SCARA3: variants seen among roughly 807,000 people sequenced by gnomAD.
SCARA3 encodes the protein scavenger receptor class A member 3.
A neutral mutation model predicts 47.0 loss-of-function variants in SCARA3; 39 were observed. That is an observed-to-expected ratio of 0.83 (90% CI 0.64 to 1.08). The LOEUF (loss-of-function observed/expected upper bound fraction) is 1.08. Among genes scored for constraint, SCARA3 ranks in the 50% least tolerant of loss-of-function variants. The pLI is 0.00. For synonymous variants in SCARA3, 356 were observed against 334.1 expected (o/e 1.07, Z -0.71); for missense variants, 724 against 792.3 (o/e 0.91, Z 1.04).
At chr8:27,709,856 A>G in the SCARA3 span, among the ~76,000 whole-genome samples, 1 of 152,154 alleles carries the variant, frequency 6.6e-6, no homozygotes, top group Non-Finnish European at 1.5e-5. Context: ...CCCTCCCTGC[A>G]GGTGGTTGAA....
At chr8:27,695,796 A>G in the SCARA3 span, among the ~76,000 whole-genome samples, 3 of 152,148 alleles carry the variant, frequency 2.0e-5, no homozygotes, top group Non-Finnish European at 4.4e-5. Flanking sequence ...AAAGTCATAA[A>G]CTTAAAGACA....
chr8:27,652,946 A>G (rs561690), intron 3 of SCARA3, among the ~76,000 whole-genome samples: 46,027 of 152,030 alleles, frequency 0.3, 7,691 homozygotes, highest in South Asian at 0.47. Context: ...TAGATTTAAG[A>G]ACCAAGGATT....
At chr8:27,679,227 A>T (rs1802323190), downstream of SCARA3, among the ~76,000 whole-genome samples, 1 of 152,084 alleles carries the variant, frequency 6.6e-6, no homozygotes, top group African/African-American at 2.4e-5. Flanking sequence ...TAAGTAAGTA[A>T]GTCTCTACTA....
At chr8:27,680,195 C>G (rs1332716800), downstream of SCARA3, among the ~76,000 whole-genome samples, 1 of 150,980 alleles carries the variant, frequency 6.6e-6, no homozygotes, top group Non-Finnish European at 1.5e-5. Context: ...AATTTAAACC[C>G]AAAATAAATT....
At chr8:27,664,261 G>A (rs573487582) in intron 5 of SCARA3, among the ~76,000 whole-genome samples, 18 of 152,366 alleles carry the variant, frequency 1.2e-4, no homozygotes, top group Admixed American at 1.0e-3. Flanking sequence ...CCCCTGGCAA[G>A]TGTGTGGTTT....
At chr8:27,732,570 T>G in the SCARA3 span, among the ~76,000 whole-genome samples, 1 of 152,140 alleles carries the variant, frequency 6.6e-6, no homozygotes, top group Non-Finnish European at 1.5e-5. Flanking sequence ...TGGCATTGGG[T>G]AGGTATTTGT....
chr8:27,643,055 G>A (rs764631148), intron 1 of SCARA3, among the ~76,000 whole-genome samples: 7 of 152,170 alleles, frequency 4.6e-5, no homozygotes, highest in African/African-American at 1.2e-4. Flanking sequence ...GTGGGCATTC[G>A]GGGTTGTCAC....
chr8:27,658,612 G>T lies in SCARA3; in HGVS notation c.442G>T (p.Val148Leu). ...TCAGAAGCTGCTTCTGGCCCAGGAGGTGCAGCTGGACCAGACCTTACAGGC... is the reference window on the plus strand; with the variant it reads ...TCAGAAGCTGCTTCTGGCCCAGGAGTTGCAGCTGGACCAGACCTTACAGGC... ...GIQKLLLAQE[V>L]QLDQTLQAQE... The change falls in exon 5 of 6, where the codon GTG becomes TTG. Residue 148 changes from valine (V) to leucine (L), a missense_variant. Val to Leu is a conservative substitution (Grantham distance 32, BLOSUM62 1). Coordinates refer to ENST00000301904, the MANE Select transcript of SCARA3 (RefSeq NM_016240.3). 1.9e-6 allele frequency: 3 copies of T among 1,614,118 alleles called. No homozygotes were observed. Among genetic ancestry groups the T allele is most frequent in the Non-Finnish European group, 2.5e-6 (3 of 1,180,000 alleles).
At chr8:27,635,415 G>A (rs1268955072) in intron 1 of SCARA3, among the ~76,000 whole-genome samples, 1 of 152,174 alleles carries the variant, frequency 6.6e-6, no homozygotes, top group Non-Finnish European at 1.5e-5. Flanking sequence ...TTAATGCTCT[G>A]CAGGTGCTAT....
intron 5 of SCARA3, among the ~76,000 whole-genome samples, chr8:27,661,197 A>G (rs1801906880): frequency 6.6e-6 from 1 of 152,194 alleles, no homozygotes; most frequent in Non-Finnish European, 1.5e-5. Flanking sequence ...AGTCAAGGTG[A>G]CACATAAAAT....
At chr8:27,690,269 C>A in the SCARA3 span, among the ~76,000 whole-genome samples, 1 of 150,500 alleles carries the variant, frequency 6.6e-6, no homozygotes, top group African/African-American at 2.4e-5. Flanking sequence ...CCCACCTAGT[C>A]AGCACATGAG....
the SCARA3 span, among the ~76,000 whole-genome samples, chr8:27,722,980 G>A: frequency 2.6e-5 from 4 of 151,994 alleles, no homozygotes; most frequent in African/African-American, 2.4e-5. Flanking sequence ...CTCCCTCTTC[G>A]GCAGCAGGCA....
chr8:27,706,455 A>G, the SCARA3 span, among the ~76,000 whole-genome samples: 1 of 151,828 alleles, frequency 6.6e-6, no homozygotes, highest in Non-Finnish European at 1.5e-5. Context: ...GCCCGTCCTC[A>G]TGCTTGAGTT....
chr8:27,644,495 G>A (rs1004280838), intron 1 of SCARA3, among the ~76,000 whole-genome samples: 3 of 152,164 alleles, frequency 2.0e-5, no homozygotes, highest in Admixed American at 2.0e-4. Flanking sequence ...TGTTCCCAGA[G>A]AGGAGTTTTC....
the SCARA3 span, among the ~76,000 whole-genome samples, chr8:27,683,409 A>G: frequency 4.4e-4 from 67 of 152,304 alleles, no homozygotes; most frequent in Non-Finnish European, 5.6e-4. Flanking sequence ...ATTATGCCCA[A>G]TAATATGTGT....
intron 1 of SCARA3, 46 bp downstream of exon 1, chr8:27,634,253 C>T (rs1021872949): frequency 2.3e-6 from 3 of 1,321,794 alleles, no homozygotes; most frequent in South Asian, 2.4e-5. Context: ...GCCGCCTGCA[C>T]CCCCGCTCCA....
intron 1 of SCARA3, 61 bp downstream of exon 1, chr8:27,634,268 G>C (rs1801199024): frequency 1.6e-6 from 2 of 1,284,312 alleles, no homozygotes; most frequent in African/African-American, 1.5e-5. Context: ...GCTCCACCCA[G>C]GGCCTGGGGG....
At chr8:27,692,130 G>T in the SCARA3 span, among the ~76,000 whole-genome samples, 1 of 152,082 alleles carries the variant, frequency 6.6e-6, no homozygotes, top group East Asian at 1.9e-4. Flanking sequence ...TTAAAACAGA[G>T]ATCTTAAAAC....
At chr8:27,720,480 T>G in the SCARA3 span, among the ~76,000 whole-genome samples, 2 of 152,174 alleles carry the variant, frequency 1.3e-5, no homozygotes, top group Non-Finnish European at 2.9e-5. Flanking sequence ...TACCCCATCT[T>G]TCACCCACTA....
Sources: gnomAD v4.1 joint callset for allele counts (sites outside exome capture counted in the v4.1 genomes callset) on GRCh38, gnomAD v4.1.1 for gene constraint, MANE v1.5 for transcripts, NCBI Gene and HGNC (gene_info 2026-07-23, HGNC 2026-07-21) for gene names.